Variants in ANAPC7 observed in about 807,000 individuals in gnomAD.
ANAPC7 encodes the protein anaphase-promoting complex subunit 7.
Under a neutral mutation model 63.3 loss-of-function variants are expected in ANAPC7, and 25 were observed. The observed-to-expected ratio is 0.39, with a 90% CI of 0.29 to 0.55. The LOEUF (loss-of-function observed/expected upper bound fraction) is 0.55. Among genes scored for constraint, ANAPC7 ranks in the 20% least tolerant of loss-of-function variants. The pLI is 0.57. For synonymous variants in ANAPC7, 241 were observed against 251.7 expected (o/e 0.96, Z 0.40); for missense variants, 516 against 691.7 (o/e 0.75, Z 2.85).
intron 7 of ANAPC7, 97 bp from the exon 8 acceptor site, chr12:110,382,045 T>C: frequency 8.3e-7 from 1 of 1,211,144 alleles, no homozygotes; most frequent in Non-Finnish European, 1.1e-6. Flanking sequence ...TTGAAGGCCC[T>C]GAACATAATC....
In ANAPC7 at chr12:110,376,458, A is replaced by G. The variant is rs1171708678; in HGVS notation, c.1358-242T>C. ...GTGGCAGGTGCCTGTAGTCCCAGCT[A>G]CTCGGGAGGCTGAGGCAGGTGAATG... On this transcript the variant is annotated intron_variant, in intron 9 of 10. Coordinates refer to ENST00000455511, the MANE Select transcript of ANAPC7 (RefSeq NM_016238.3). Among the ~76,000 whole-genome samples the G allele has an allele frequency of 2.0e-5, 3 of 148,868 alleles. No individual in the cohort carries two copies. In the East Asian group the frequency reaches 5.9e-4, roughly 30 times the overall value.
At chr12:110,386,563 CT>C (rs1314670994) in intron 5 of ANAPC7, 94 bp from the exon 6 acceptor site, 18 of 1,154,358 alleles carry the variant, frequency 1.6e-5, no homozygotes, top group Non-Finnish European at 2.2e-5. Flanking sequence ...ATACTATTTT[CT>C]TTTGCATAAA....
chr12:110,396,243 A>G, intron 2 of ANAPC7, 23 bp downstream of exon 2: 1 of 1,569,538 alleles, frequency 6.4e-7, no homozygotes, highest in Non-Finnish European at 8.6e-7. Flanking sequence ...AAAAAAAAAA[A>G]TCACAATTCT....
At chr12:110,382,451 AAAAAAAAAAAAT>A (rs1211320308) in intron 7 of ANAPC7, among the ~76,000 whole-genome samples, 12 of 69,622 alleles carry the variant, frequency 1.7e-4, no homozygotes, top group Non-Finnish European at 2.7e-4. Flanking sequence ...TAAAAAAAAA[AAAAAAAAAAAAT>A]ATATATATAT....
chr12:110,382,871 G>C lies in ANAPC7; in HGVS notation c.907C>G (p.Gln303Glu). ...GAAACCACCCACGGTTCTGCATGCT[G>C]ATCAGAGATATTGAAAAGGCGGCAT... Reference protein sequence around the residue: ...LGCRLFNISDQHAEPWVVSGC... With the variant: ...LGCRLFNISDEHAEPWVVSGC... Residue 303 changes from glutamine to glutamate, a missense_variant, in exon 7 of 11, where the codon CAG becomes GAG. Transcript: ENST00000455511. 1.2e-6 allele frequency: 2 copies of C among 1,613,912 alleles called. No homozygotes were observed. Among genetic ancestry groups the C allele is most frequent in the Non-Finnish European group, 1.7e-6 (2 of 1,179,882 alleles).
In ANAPC7 at chr12:110,375,780, ATG is replaced by A. The variant is rs1238763306; in HGVS notation, c.1508+284_1508+285del. The A allele has an allele frequency of 2.5e-5, 27 of 1,076,240 alleles. No homozygotes were observed. In the South Asian group the frequency reaches 7.7e-4, roughly 31 times the overall value. The allele number at this position is 1,076,240 out of a possible 1,614,324, so 66.7% of individuals were successfully genotyped here. A position where few individuals can be genotyped will look rare whatever the true frequency, so the allele number is the denominator to read the frequency against. On this transcript the variant is annotated intron_variant, in intron 10 of 10. Coordinates refer to ENST00000455511, the MANE Select transcript of ANAPC7 (RefSeq NM_016238.3). ...ATACTAGGTACAGCCCTATAAAAAT[ATG>A]TGTGTGTGGGCAAGGACAGAAGATG...
At chr12:110,395,882 C>T (rs768394350) in intron 2 of ANAPC7, among the ~76,000 whole-genome samples, 2 of 152,172 alleles carry the variant, frequency 1.3e-5, no homozygotes, top group South Asian at 2.1e-4. Flanking sequence ...TCTAAATCAG[C>T]GGTCCCCAAC....
intron 3 of ANAPC7, among the ~76,000 whole-genome samples, chr12:110,392,379 A>AT (rs113660973): frequency 0.14 from 20,822 of 152,192 alleles, 2,073 homozygotes; most frequent in African/African-American, 0.28. Flanking sequence ...GTGCTTAAAC[A>AT]TGTTCTCATC....
chr12:110,382,597 A>G (rs1882045873), intron 7 of ANAPC7, among the ~76,000 whole-genome samples: 1 of 149,888 alleles, frequency 6.7e-6, no homozygotes, highest in African/African-American at 2.5e-5. Context: ...TTGAGACAAA[A>G]TCTCACTCTG....
intron 10 of ANAPC7, chr12:110,375,659 A>C (rs879104174): frequency 1.1e-6 from 1 of 914,276 alleles, no homozygotes; most frequent in African/African-American, 1.8e-5. Context: ...GGTAGTATTC[A>C]AAACTTCAGA....
At chr12:110,389,395 G>C (rs1882907460) in intron 3 of ANAPC7, among the ~76,000 whole-genome samples, 1 of 151,712 alleles carries the variant, frequency 6.6e-6, no homozygotes, top group African/African-American at 2.4e-5. Context: ...CAGAAAGACA[G>C]ATAAAGAAGT....
At chr12:110,401,462 G>A (rs2137999685) in intron 1 of ANAPC7, among the ~76,000 whole-genome samples, 1 of 152,266 alleles carries the variant, frequency 6.6e-6, no homozygotes, top group South Asian at 2.1e-4. Context: ...GAGAGTCCTG[G>A]GAGTCAGAGA....
Position 110,382,931 on chromosome 12 carries a change from G to T in ANAPC7, c.847C>A (p.Arg283=). Residue 283 remains arginine, a synonymous_variant, in exon 7 of 11, where the codon CGA becomes AGA. Transcript: ENST00000455511. ...TCAACATCCTCTAGCCGCCCTTCTC[G>T]TGCCAGTAGGTAGCCATATACATCC... ...GMDVYGYLLA[R]EGRLEDVENL... is the part of the protein sequence containing the mutation. The T allele has an allele frequency of 6.2e-7, 1 of 1,613,686 alleles. No homozygotes were observed. Among genetic ancestry groups the T allele is most frequent in the Non-Finnish European group, 8.5e-7 (1 of 1,179,796 alleles).
chr12:110,401,454 G>A (rs1433539554), intron 1 of ANAPC7, among the ~76,000 whole-genome samples: 2 of 152,190 alleles, frequency 1.3e-5, no homozygotes, highest in Non-Finnish European at 2.9e-5. Flanking sequence ...GAGTACCCGA[G>A]AGTCCTGGGA....
rs546614434 is a variant in ANAPC7, at chr12:110,377,610, G to A, written c.1140C>T (p.Ile380=). The A allele has an allele frequency of 2.0e-5, 33 of 1,614,116 alleles. 1 individual carries two copies. Among genetic ancestry groups the A allele is most frequent in the South Asian group, 1.8e-4 (16 of 91,074 alleles). The stretch of plus-strand genomic sequence containing the variant: ...TACTGTTGGAGGCTAAGTAACATTC[G>A]ATAAGACCTGAAAAAAGTAAAACAC... The part of the protein sequence containing the change: ...PCRLDCYEGL[I]ECYLASNSIR... The change falls in exon 9 of 11, where the codon ATC becomes ATT. Residue 380 remains isoleucine (I), a synonymous_variant. Transcript: ENST00000455511.
chr12:110,402,657 G>C (rs1305331857), intron 1 of ANAPC7, among the ~76,000 whole-genome samples: 2 of 151,744 alleles, frequency 1.3e-5, no homozygotes, highest in Non-Finnish European at 2.9e-5. Flanking sequence ...AAGCAGGAGA[G>C]GGACATGCAC....
chr12:110,386,549 A>C, intron 5 of ANAPC7, 80 bp from the exon 6 acceptor site: 15 of 1,218,474 alleles, frequency 1.2e-5, no homozygotes, highest in Non-Finnish European at 1.6e-5. Flanking sequence ...GATTGGTCAT[A>C]CAGATACTAT....
chr12:110,395,315 A>AT, intron 2 of ANAPC7, 95 bp from the exon 3 acceptor site: 1 of 1,277,596 alleles, frequency 7.8e-7, no homozygotes, highest in East Asian at 2.5e-5. Context: ...TGACCCAGCA[A>AT]TTCTTTTTTT....
rs2062268088 is a variant in ANAPC7 at position 110,403,707 on chromosome 12, A to C, written c.-80T>G. On this transcript the variant is annotated 5_prime_UTR_variant, in exon 1 of 11. Transcript: ENST00000455511. ...GAGGATCCTTAGGGAAGACTCCAAA[A>C]TGGCGGCGTCGCCGGGGTCCATCGG... The C allele has an allele frequency of 6.4e-7, 1 of 1,551,442 alleles. No individual in the cohort carries two copies. Among genetic ancestry groups the C allele is most frequent in the South Asian group, 1.2e-5 (1 of 84,098 alleles).
Sources: allele counts gnomAD v4.1 joint callset (sites outside exome capture counted in the v4.1 genomes callset), GRCh38; gene constraint gnomAD v4.1.1; transcripts MANE v1.5; gene names NCBI Gene and HGNC (gene_info 2026-07-23, HGNC 2026-07-21).